RNF8: variants seen among roughly 807,000 people sequenced by gnomAD.
RNF8 encodes the protein E3 ubiquitin-protein ligase RNF8.
RNF8 carries 8 observed loss-of-function variants against 59.3 expected under a neutral mutation model. That is an observed-to-expected ratio of 0.13 (90% CI 0.08 to 0.24). The LOEUF is 0.24. Among genes scored for constraint, RNF8 ranks in the 10% least tolerant of loss-of-function variants. The pLI is 1.00. For missense variants in RNF8, 406 were observed against 572.6 expected (o/e 0.71, Z 2.97); for synonymous variants, 162 against 200.0 (o/e 0.81, Z 1.60).
chr6:37,381,408 A>C (rs1770256578), intron 7 of RNF8, 54 bp downstream of exon 7: 5 of 1,478,894 alleles, frequency 3.4e-6, no homozygotes, highest in Non-Finnish European at 4.7e-6. Context: ...TTACTTCCAA[A>C]CTTCAACAAA....
intron 1 of RNF8, among the ~76,000 whole-genome samples, chr6:37,354,779 G>A (rs536731090): frequency 4.7e-4 from 71 of 152,218 alleles, no homozygotes; most frequent in Non-Finnish European, 9.0e-4. Flanking sequence ...GCGGTGCCAG[G>A]TCGGGGAACG....
At chr6:37,364,037 G>T (rs1291454684) in intron 2 of RNF8, among the ~76,000 whole-genome samples, 1 of 152,034 alleles carries the variant, frequency 6.6e-6, no homozygotes, top group Non-Finnish European at 1.5e-5. Flanking sequence ...AAATTAGCCA[G>T]GCGTGGTGGC....
In RNF8 at chr6:37,390,835, G is replaced by A. The variant is rs147328302; in HGVS notation, c.*77G>A. ...ATGGTCTGGAGGATTCTCTCTAGCC[G>A]TGACTCCGCTGCTCTGAAGGTCAAC... On this transcript the variant is annotated 3_prime_UTR_variant, in exon 8 of 8. Coordinates refer to ENST00000373479, the MANE Select transcript of RNF8 (RefSeq NM_003958.4). The A allele has an allele frequency of 1.1e-5, 18 of 1,613,508 alleles. No individual in the cohort carries two copies. The African/African-American group carries it at 1.7e-4, about 16-fold the overall frequency.
At chr6:37,354,441 G>A (rs543241320) in intron 1 of RNF8, among the ~76,000 whole-genome samples, 166 bp downstream of exon 1, 1 of 151,978 alleles carries the variant, frequency 6.6e-6, no homozygotes, top group South Asian at 2.1e-4. Flanking sequence ...GGGGAGAGAA[G>A]GGAGAAAGCG....
intron 7 of RNF8, among the ~76,000 whole-genome samples, chr6:37,382,759 C>G (rs936716254): frequency 1.3e-5 from 2 of 152,156 alleles, no homozygotes; most frequent in Admixed American, 6.5e-5. Flanking sequence ...ATGGGCAGAT[C>G]ACGAAGTCAG....
At chr6:37,373,938 A>G (rs1196527280) in intron 4 of RNF8, among the ~76,000 whole-genome samples, 2 of 152,242 alleles carry the variant, frequency 1.3e-5, no homozygotes, top group Non-Finnish European at 2.9e-5. Context: ...CTTAAGCATG[A>G]GAGAACTCAT....
At chr6:37,387,014 G>C (rs1489546387) in intron 7 of RNF8, among the ~76,000 whole-genome samples, 1 of 152,118 alleles carries the variant, frequency 6.6e-6, no homozygotes, top group Non-Finnish European at 1.5e-5. Context: ...TGCAAATATA[G>C]AGTAGCGTCA....
chr6:37,363,839 T>C (rs1468976537), intron 2 of RNF8, among the ~76,000 whole-genome samples: 2 of 152,212 alleles, frequency 1.3e-5, no homozygotes, highest in Non-Finnish European at 2.9e-5. Flanking sequence ...ATAGTGAATA[T>C]GAATGAACTA....
In RNF8 at chr6:37,368,770, T is replaced by C; in HGVS notation, c.527T>C (p.Ile176Thr). ...GGCCCCTCAAATTTGAAATCCAAAA[T>C]AAATAAAGTGTCTTGTGAATCTGGT... is the stretch of plus-strand genomic sequence containing the variant. Reference protein sequence around the residue: ...AEGPSNLKSKINKVSCESGQP... With the variant: ...AEGPSNLKSKTNKVSCESGQP... The change falls in exon 3 of 8, where the codon ATA becomes ACA. Residue 176 changes from isoleucine (I) to threonine (T), a missense_variant. Coordinates refer to ENST00000373479, the MANE Select transcript of RNF8 (RefSeq NM_003958.4). 6.2e-7 allele frequency: 1 copy of C among 1,614,098 alleles called. No individual in the cohort carries two copies. The highest frequency in any genetic ancestry group is 8.5e-7 in the Non-Finnish European group (1 of 1,180,022).
chr6:37,386,509 G>A (rs1347066024), intron 7 of RNF8, among the ~76,000 whole-genome samples: 1 of 152,196 alleles, frequency 6.6e-6, no homozygotes, highest in Non-Finnish European at 1.5e-5. Flanking sequence ...CACCCTAAAT[G>A]TATGGAAGAT....
chr6:37,374,828 G>T lies in RNF8; in HGVS notation c.1128+119G>T, dbSNP rs902125446. ...AAATTATGGCTGCTCCTTGCCTCTG[G>T]GGAGATAATCTATAAAATTATAGAG... On this transcript the variant is annotated intron_variant, in intron 5 of 7. Coordinates refer to ENST00000373479, the MANE Select transcript of RNF8 (RefSeq NM_003958.4). The T allele has an allele frequency of 4.6e-5, 31 of 672,316 alleles. No individual in the cohort carries two copies. In the African/African-American group the frequency reaches 4.8e-4, roughly 10 times the overall value. 41.6% of individuals were successfully genotyped at this position (672,316 alleles called of 1,614,324 possible).
At position 37,354,030 on chromosome 6, in the gene RNF8, T is replaced by A; in HGVS notation, c.-135T>A. 1.3e-6 allele frequency: 1 copy of A among 785,558 alleles called. No individual in the cohort carries two copies. Among genetic ancestry groups the A allele is most frequent in the Non-Finnish European group, 2.1e-6 (1 of 475,472 alleles). The allele number at this position is 785,558 out of a possible 1,614,324, so 48.7% of individuals were successfully genotyped here. A position where few individuals can be genotyped will look rare whatever the true frequency, so the allele number is the denominator to read the frequency against. Reference sequence around the variant, plus strand: ...GAGGGCGGGCGAGCGGAGCCTGCTTTCGCAGCGATCGCGAGCGTGTGGCGA... The same window carrying A: ...GAGGGCGGGCGAGCGGAGCCTGCTTACGCAGCGATCGCGAGCGTGTGGCGA... On this transcript the variant is annotated 5_prime_UTR_variant, in exon 1 of 8. Transcript: ENST00000373479.
At chr6:37,387,665 A>G (rs1269072710) in intron 7 of RNF8, among the ~76,000 whole-genome samples, 1 of 152,042 alleles carries the variant, frequency 6.6e-6, no homozygotes. Flanking sequence ...TTTTCTTAGC[A>G]CCTACTAAAT....
intron 7 of RNF8, among the ~76,000 whole-genome samples, chr6:37,386,653 A>G (rs1387699023): frequency 6.6e-6 from 1 of 152,188 alleles, no homozygotes; most frequent in Non-Finnish European, 1.5e-5. Flanking sequence ...GCCCTGCACC[A>G]TGTTGCACTG....
At position 37,385,150 on chromosome 6, in the gene RNF8, A is replaced by T. The variant is rs1443784941; in HGVS notation, c.1441+3796A>T. Among the ~76,000 whole-genome samples the T allele has an allele frequency of 2.0e-5, 3 of 151,690 alleles. 1 individual carries two copies. The highest frequency in any genetic ancestry group is 6.3e-3 in the Middle Eastern group (2 of 316). ...TGCCTCACCCTCCCAAGTAGCTGGG[A>T]TTACAAGCATGTGCCATCATGCCCG... On this transcript the variant is annotated intron_variant, in intron 7 of 7. Transcript: ENST00000373479.
At chr6:37,390,033 T>C (rs1770662583) in intron 7 of RNF8, among the ~76,000 whole-genome samples, 2 of 152,264 alleles carry the variant, frequency 1.3e-5, no homozygotes, top group African/African-American at 4.8e-5. Flanking sequence ...AAGCGGACTA[T>C]TGGAAAAGCC....
intron 7 of RNF8, among the ~76,000 whole-genome samples, chr6:37,387,900 AAGTACAG>A (rs1770579268): frequency 6.6e-6 from 1 of 152,204 alleles, no homozygotes; most frequent in Admixed American, 6.5e-5. Context: ...GGGCTGAGAG[AAGTACAG>A]AGTGCTAGAG....
intron 6 of RNF8, 28 bp downstream of exon 6, chr6:37,377,061 CTTTTTTTTTTTTTT>C (rs35985063): frequency 1.3e-4 from 33 of 257,978 alleles, no homozygotes; most frequent in East Asian, 6.2e-4. Context: ...CTCACCCCTT[CTTTTTTTTTTTTTT>C]TTTTTTTTTT....
At chr6:37,377,904 A>G (rs1041415420) in intron 6 of RNF8, among the ~76,000 whole-genome samples, 1 of 152,198 alleles carries the variant, frequency 6.6e-6, no homozygotes, top group Non-Finnish European at 1.5e-5. Flanking sequence ...GCACTGGCTT[A>G]TTTATTTATT....
Sources: allele counts gnomAD v4.1 joint callset (sites outside exome capture counted in the v4.1 genomes callset), GRCh38; gene constraint gnomAD v4.1.1; transcripts MANE v1.5; gene names NCBI Gene and HGNC (gene_info 2026-07-23, HGNC 2026-07-21).